Variants in PRDM10 observed in about 807,000 individuals in gnomAD.
PRDM10 encodes the protein PR/SET domain 10, also known as PR domain zinc finger protein 10.
PRDM10 carries 65 observed loss-of-function variants against 133.1 expected under a neutral mutation model. The ratio of observed to expected loss-of-function variants is 0.49; its 90% CI spans 0.40 to 0.60. The LOEUF (loss-of-function observed/expected upper bound fraction) is 0.60. Among genes scored for constraint, PRDM10 ranks in the 20% least tolerant of loss-of-function variants. PRDM10 has a pLI of 0.00. For missense variants in PRDM10, 1,137 were observed against 1,507.1 expected (o/e 0.75, Z 4.07); for synonymous variants, 582 against 580.4 (o/e 1.00, Z -0.04).
chr11:129,917,014 T>TAACC (rs1160198422), intron 15 of PRDM10, 113 bp downstream of exon 15: 1 of 673,332 alleles, frequency 1.5e-6, no homozygotes, highest in Non-Finnish European at 2.4e-6. Flanking sequence ...GAGAGACAGG[T>TAACC]AACCATCTGG....
chr11:129,970,040 G>A (rs950214945), intron 1 of PRDM10, among the ~76,000 whole-genome samples: 2 of 152,112 alleles, frequency 1.3e-5, no homozygotes, highest in South Asian at 2.1e-4. Context: ...ATAGAATAAC[G>A]GAACTAATTT....
At chr11:129,930,661 C>T (rs533353352) in intron 11 of PRDM10, among the ~76,000 whole-genome samples, 1 of 152,298 alleles carries the variant, frequency 6.6e-6, no homozygotes, top group African/African-American at 2.4e-5. Context: ...TGATTAGGCA[C>T]AAATTAGCCT....
chr11:129,960,937 C>T lies in PRDM10; in HGVS notation c.28G>A (p.Val10Met), dbSNP rs370196317. MDSKDESSH[V>M]WPTSAEHEQN... The stretch of plus-strand genomic sequence containing the variant: ...TCATGCTCTGCAGATGTCGGCCACA[C>T]ATGCGAGCTTTCATCTTTGGAATCC... Residue 10 changes from valine to methionine, a missense_variant, in exon 2 of 21, where the codon GTG (valine) becomes ATG (methionine). This residue lies in a region of PRDM10 where 635 missense variants were observed against 835.2 expected (regional missense o/e 0.76). Transcript: ENST00000360871. 28 of 1,614,086 alleles carry T rather than the reference C, an allele frequency of 1.7e-5. No homozygotes were observed. The highest frequency in any genetic ancestry group is 2.2e-5 in the Non-Finnish European group (26 of 1,180,044).
Position 129,914,830 on chromosome 11 carries a change from G to A in PRDM10, c.2715C>T (p.Thr905=), listed in dbSNP as rs781166079. 3.7e-6 allele frequency: 6 copies of A among 1,614,172 alleles called. No homozygotes were observed. In the South Asian group the frequency reaches 5.5e-5, roughly 15 times the overall value. Residue 905 remains threonine, a synonymous_variant, in exon 17 of 21, where the codon ACC becomes ACT. Coordinates refer to ENST00000360871, the MANE Select transcript of PRDM10 (RefSeq NM_199437.2). Reference sequence around the variant, plus strand: ...GTGGCGTTCGGTAGTCTGTCGTTAAGGTCTGGGACAGTTCTGTCATTGCTT... The same window carrying A: ...GTGGCGTTCGGTAGTCTGTCGTTAAAGTCTGGGACAGTTCTGTCATTGCTT... The part of the protein sequence containing the change: ...LTQAMTELSQ[T]LTTDYRTPQG...
intron 1 of PRDM10, among the ~76,000 whole-genome samples, chr11:129,998,240 T>C (rs1939162597): frequency 6.6e-6 from 1 of 152,164 alleles, no homozygotes; most frequent in Non-Finnish European, 1.5e-5. Context: ...GCACTGGCCA[T>C]ATTTCAAGTG....
chr11:129,908,485 C>A (rs1950082223), intron 19 of PRDM10, among the ~76,000 whole-genome samples: 1 of 152,034 alleles, frequency 6.6e-6, no homozygotes, highest in South Asian at 2.1e-4. Context: ...TGTTCTTTTT[C>A]TTTTAGAGGT....
chr11:129,977,381 T>A (rs1565506835), intron 1 of PRDM10, among the ~76,000 whole-genome samples: 1 of 152,010 alleles, frequency 6.6e-6, no homozygotes, highest in East Asian at 1.9e-4. Flanking sequence ...ACTCCCTGGT[T>A]CAAACGATTA....
chr11:129,993,566 G>A (rs556026431), intron 1 of PRDM10, among the ~76,000 whole-genome samples: 30 of 152,012 alleles, frequency 2.0e-4, no homozygotes, highest in African/African-American at 6.8e-4. Context: ...ATCACTGCAA[G>A]CTCTGCCTCC....
At chr11:129,961,155 C>A (rs571848737) in intron 1 of PRDM10, 73 bp from the exon 2 acceptor site, 15 of 474,426 alleles carry the variant, frequency 3.2e-5, no homozygotes, top group African/African-American at 2.8e-4. Flanking sequence ...ATTTCAACCA[C>A]AAATAATAAA....
At chr11:129,971,138 A>G (rs1339042741) in intron 1 of PRDM10, among the ~76,000 whole-genome samples, 1 of 151,948 alleles carries the variant, frequency 6.6e-6, no homozygotes, top group African/African-American at 2.4e-5. Context: ...GAAGCTGCAA[A>G]CCTTCGCGGT....
At chr11:129,905,524 C>T (rs1949987224) in intron 20 of PRDM10, 114 bp downstream of exon 20, 1 of 819,802 alleles carries the variant, frequency 1.2e-6, no homozygotes, top group Non-Finnish European at 2.0e-6. Flanking sequence ...AAGAATTCAT[C>T]ATCTACTGTG....
At chr11:129,984,812 G>C (rs1405371372) in intron 1 of PRDM10, among the ~76,000 whole-genome samples, 1 of 152,096 alleles carries the variant, frequency 6.6e-6, no homozygotes, top group Non-Finnish European at 1.5e-5. Flanking sequence ...CTCTCCTTCC[G>C]CTCATCCAGC....
intron 7 of PRDM10, 129 bp from the exon 8 acceptor site, chr11:129,937,799 G>T: frequency 1.3e-6 from 1 of 747,204 alleles, no homozygotes; most frequent in Non-Finnish European, 2.1e-6. Context: ...TGGAAAAAAA[G>T]ATCATGCTGT....
intron 1 of PRDM10, among the ~76,000 whole-genome samples, chr11:129,984,711 C>A (rs1156422665): frequency 6.6e-6 from 1 of 152,232 alleles, no homozygotes; most frequent in Admixed American, 6.5e-5. Context: ...ATCTCCCTGG[C>A]AACACCTCTG....
intron 1 of PRDM10, among the ~76,000 whole-genome samples, chr11:129,974,573 T>C (rs1352795836): frequency 6.6e-6 from 1 of 151,870 alleles, no homozygotes; most frequent in Non-Finnish European, 1.5e-5. Context: ...GCTAACTAGA[T>C]AGGAATTAGA....
intron 13 of PRDM10, among the ~76,000 whole-genome samples, chr11:129,922,360 A>G (rs571031399): frequency 6.6e-6 from 1 of 152,366 alleles, no homozygotes; most frequent in Non-Finnish European, 1.5e-5. Flanking sequence ...TTTTAAGAAC[A>G]GAAAAATCCC....
At chr11:129,933,728 TA>T (rs1481942106) in intron 9 of PRDM10, among the ~76,000 whole-genome samples, 2 of 152,066 alleles carry the variant, frequency 1.3e-5, no homozygotes, top group African/African-American at 2.4e-5. Flanking sequence ...CAATATAATA[TA>T]AAAAATGCTA....
chr11:129,973,906 T>A (rs1937629184), intron 1 of PRDM10, among the ~76,000 whole-genome samples: 1 of 152,250 alleles, frequency 6.6e-6, no homozygotes. Flanking sequence ...CTATGTTTGA[T>A]TTGACTTTGA....
In PRDM10 at chr11:129,943,392, A is replaced by C. The variant is rs111481261; in HGVS notation, c.763-763T>G. On this transcript the variant is annotated intron_variant, in intron 6 of 20. Coordinates refer to ENST00000360871, the MANE Select transcript of PRDM10 (RefSeq NM_199437.2). The stretch of plus-strand genomic sequence containing the variant: ...CCAGTCAAAATTATTTTAAATAAAG[A>C]AAGCAAGCCCCTGTTATAGGCTGAA... Among the ~76,000 whole-genome samples, 572 of 152,352 alleles carry C rather than the reference A, an allele frequency of 3.8e-3. 3 individuals are homozygous for C. Among genetic ancestry groups the C allele is most frequent in the African/African-American group, 0.012 (506 of 41,582 alleles).
Sources: gnomAD v4.1 joint callset for allele counts (sites outside exome capture counted in the v4.1 genomes callset) on GRCh38, gnomAD v4.1.1 for gene constraint, gnomAD v4.1.1 regional missense constraint, MANE v1.5 for transcripts, NCBI Gene and HGNC (gene_info 2026-07-23, HGNC 2026-07-21) for gene names.